The following KLHDC1 variants were observed in gnomAD, a reference collection of about 807,000 sequenced individuals.
KLHDC1 encodes kelch domain-containing protein 1.
KLHDC1 carries 53 observed loss-of-function variants against 68.3 expected under a neutral mutation model. The observed-to-expected ratio is 0.78, with a 90% CI of 0.62 to 0.98. KLHDC1 has a LOEUF of 0.98. Among genes scored for constraint, KLHDC1 ranks in the 50% least tolerant of loss-of-function variants. The pLI is 0.00. For synonymous variants in KLHDC1, 148 were observed against 159.0 expected (o/e 0.93, Z 0.52); for missense variants, 470 against 492.3 (o/e 0.95, Z 0.43).
chr14:49,696,938 CT>C lies in KLHDC1; in HGVS notation c.96+3664del, dbSNP rs763606965. Among the ~76,000 whole-genome samples, 650 of 139,410 alleles carry C rather than the reference CT, an allele frequency of 4.7e-3. 1 individual carries two copies. The highest frequency in any genetic ancestry group is 7.7e-3 in the East Asian group (37 of 4,830). 91.5% of individuals were successfully genotyped at this position (139,410 alleles called of 152,430 possible). On this transcript the variant is annotated intron_variant, in intron 1 of 12. Coordinates refer to ENST00000359332, the MANE Select transcript of KLHDC1 (RefSeq NM_172193.3). ...GTAGGGTTACTAACTGGCCTACTTT[CT>C]TTTTTTTTTTTTTTTAAGACGGAGT...
At chr14:49,736,009 T>TGTC (rs1888922816) in intron 10 of KLHDC1, among the ~76,000 whole-genome samples, 1 of 152,074 alleles carries the variant, frequency 6.6e-6, no homozygotes. Flanking sequence ...AGCCAGACCC[T>TGTC]GTCTCAAAAA....
intron 11 of KLHDC1, among the ~76,000 whole-genome samples, chr14:49,741,887 G>T (rs1313136423): frequency 1.3e-5 from 2 of 152,066 alleles, no homozygotes; most frequent in African/African-American, 2.4e-5. Context: ...CAGGGATGGG[G>T]TATGGTGAGC....
Position 49,709,774 on chromosome 14 carries a change from A to G in KLHDC1, c.233A>G (p.Asn78Ser). 6.2e-7 allele frequency: 1 copy of G among 1,605,326 alleles called. No homozygotes were observed. The highest frequency in any genetic ancestry group is 8.5e-7 in the Non-Finnish European group (1 of 1,176,538). ...TCAGGAAGCTGTGGTGCTTGCATTA[A>G]TGGAAAGCTGTACATTTTTGGAGGA... Reference protein sequence around the residue: ...SMSGSCGACINGKLYIFGGYD... With the variant: ...SMSGSCGACISGKLYIFGGYD... Residue 78 changes from asparagine to serine, a missense_variant, in exon 3 of 13, where the codon AAT becomes AGT. Transcript: ENST00000359332.
At chr14:49,723,532 T>C (rs1760323063) in intron 4 of KLHDC1, among the ~76,000 whole-genome samples, 1 of 152,048 alleles carries the variant, frequency 6.6e-6, no homozygotes, top group African/African-American at 2.4e-5. Flanking sequence ...AGGGAAACCA[T>C]GTCTCAAAAA....
At chr14:49,693,515 C>T (rs1887633345) in intron 1 of KLHDC1, among the ~76,000 whole-genome samples, 1 of 151,706 alleles carries the variant, frequency 6.6e-6, no homozygotes, top group Non-Finnish European at 1.5e-5. Context: ...CGGCTCCGGG[C>T]CTCTTACCAC....
At chr14:49,701,192 C>T (rs1206022429) in intron 1 of KLHDC1, among the ~76,000 whole-genome samples, 4 of 151,974 alleles carry the variant, frequency 2.6e-5, no homozygotes, top group Non-Finnish European at 5.9e-5. Context: ...GGAAAATGAT[C>T]ACTTATGCAA....
At chr14:49,718,667 C>G (rs980841149) in intron 4 of KLHDC1, among the ~76,000 whole-genome samples, 1 of 151,646 alleles carries the variant, frequency 6.6e-6, no homozygotes. Context: ...TGAATCTGCT[C>G]TCTTTTTTCT....
At chr14:49,706,014 A>G (rs1888041556) in intron 1 of KLHDC1, among the ~76,000 whole-genome samples, 1 of 152,142 alleles carries the variant, frequency 6.6e-6, no homozygotes, top group Admixed American at 6.6e-5. Flanking sequence ...ATATTCTTTT[A>G]TTTTGAAATG....
Position 49,693,201 on chromosome 14 carries a change from G to C in KLHDC1, c.7G>C (p.Asp3His). Residue 3 changes from aspartate to histidine, a missense_variant, in exon 1 of 13, where the codon GAC (aspartate) becomes CAC (histidine). By Grantham distance (81) the Asp-to-His change is moderately conservative. Transcript: ENST00000359332. MA[D>H]SQLFCVAEER... ...CGGGCCAGCGACGGCGCGAATGGCGGACTCTCAGCTGTTCTGTGTGGCGGA... is the reference window on the plus strand; with the variant it reads ...CGGGCCAGCGACGGCGCGAATGGCGCACTCTCAGCTGTTCTGTGTGGCGGA... 1 of 1,584,024 alleles carries C rather than the reference G, an allele frequency of 6.3e-7. No homozygotes were observed.
At chr14:49,741,298 TCCAA>T (rs1889058267) in intron 11 of KLHDC1, among the ~76,000 whole-genome samples, 1 of 151,702 alleles carries the variant, frequency 6.6e-6, no homozygotes, top group Non-Finnish European at 1.5e-5. Flanking sequence ...GTTGAAATAT[TCCAA>T]GTATATTATT....
intron 4 of KLHDC1, among the ~76,000 whole-genome samples, chr14:49,714,614 A>G (rs953467104): frequency 2.0e-5 from 3 of 151,696 alleles, no homozygotes; most frequent in Non-Finnish European, 2.9e-5. Context: ...TCTCTACAAA[A>G]AGTAAGAAAA....
intron 1 of KLHDC1, among the ~76,000 whole-genome samples, chr14:49,696,642 A>G (rs1594643592): frequency 6.6e-6 from 1 of 152,220 alleles, no homozygotes; most frequent in South Asian, 2.1e-4. Flanking sequence ...TTGTGGCTGT[A>G]TGATCTTGTA....
intron 12 of KLHDC1, among the ~76,000 whole-genome samples, chr14:49,745,717 T>C (rs1889184210): frequency 6.6e-6 from 1 of 152,190 alleles, no homozygotes; most frequent in Admixed American, 6.5e-5. Context: ...TACAAAAGCA[T>C]AGTATGTTCT....
At chr14:49,732,320 A>C (rs1455935917) in intron 8 of KLHDC1, among the ~76,000 whole-genome samples, 6 of 151,956 alleles carry the variant, frequency 3.9e-5, no homozygotes, top group African/African-American at 1.5e-4. Context: ...CTACAGGCGC[A>C]TGCCACCAGG....
At chr14:49,724,963 G>A (rs900821285) in intron 5 of KLHDC1, among the ~76,000 whole-genome samples, 5 of 151,884 alleles carry the variant, frequency 3.3e-5, no homozygotes, top group Non-Finnish European at 7.4e-5. Context: ...GTAACATGGC[G>A]AGACCCTGTT....
chr14:49,746,952 T>G (rs932505962), intron 12 of KLHDC1, among the ~76,000 whole-genome samples: 2 of 144,858 alleles, frequency 1.4e-5, no homozygotes, highest in Admixed American at 6.8e-5. Flanking sequence ...CTTTCTCTCT[T>G]TTTTTTTTTT....
At chr14:49,713,798 GTA>G (rs1174449263) in intron 4 of KLHDC1, among the ~76,000 whole-genome samples, 9 of 58,564 alleles carry the variant, frequency 1.5e-4, no homozygotes, top group East Asian at 6.5e-4. Context: ...GAGGCAGGAG[GTA>G]TATATATATA....
intron 1 of KLHDC1, among the ~76,000 whole-genome samples, chr14:49,698,415 G>A (rs1197740270): frequency 2.0e-5 from 3 of 152,016 alleles, no homozygotes; most frequent in Non-Finnish European, 4.4e-5. Flanking sequence ...TGTTGGCCAG[G>A]CTGATCTCAA....
chr14:49,740,131 T>G lies in KLHDC1; in HGVS notation c.930T>G (p.Asn310Lys). ...ACACAGCCTGTTTGGGAAAAGAAAA[T>G]GAAATAATGGTATTTGGTGGGAGCA... ...LWHTACLGKE[N>K]EIMVFGGSKD... The change falls in exon 11 of 13, where the codon AAT becomes AAG. Residue 310 changes from asparagine to lysine, a missense_variant. By Grantham distance (94) the Asn-to-Lys change is moderately conservative. Coordinates refer to ENST00000359332, the MANE Select transcript of KLHDC1 (RefSeq NM_172193.3). The G allele has an allele frequency of 6.2e-7, 1 of 1,612,068 alleles. No individual in the cohort carries two copies. Among genetic ancestry groups the G allele is most frequent in the Non-Finnish European group, 8.5e-7 (1 of 1,178,540 alleles).
Sources: allele counts gnomAD v4.1 joint callset (sites outside exome capture counted in the v4.1 genomes callset), GRCh38; gene constraint gnomAD v4.1.1; transcripts MANE v1.5; gene names NCBI Gene and HGNC (gene_info 2026-07-23, HGNC 2026-07-21).